The following CYSTM1 variants were observed in gnomAD, a reference collection of about 807,000 sequenced individuals.
The protein encoded by CYSTM1 is cysteine rich transmembrane module containing 1.
CYSTM1 carries 4 observed loss-of-function variants against 13.1 expected under a neutral mutation model. The observed-to-expected ratio is 0.31, with a 90% confidence interval of 0.15 to 0.70. The LOEUF (loss-of-function observed/expected upper bound fraction) is 0.70, where lower values mean the gene tolerates loss of function less well. Among genes scored for constraint, CYSTM1 ranks in the 30% least tolerant of loss-of-function variants. CYSTM1 has a pLI of 0.72. For missense variants in CYSTM1, 96 were observed against 121.6 expected (o/e 0.79, Z 0.99); for synonymous variants, 36 against 42.7 (o/e 0.84, Z 0.62).
In CYSTM1 at chr5:140,230,393, C is replaced by T. The variant is rs1216185312; in HGVS notation, c.188-12912C>T. On this transcript the variant is annotated intron_variant, in intron 2 of 2. Coordinates refer to ENST00000261811, the MANE Select transcript of CYSTM1 (RefSeq NM_032412.4). This position sits in a 1 kb window ranked among gnomAD's most constrained non-coding sequence, Gnocchi z 4.1. ...AGACAGGATTCCAGCTCAAATCTGTCTCCCTGTCCTGGCTTTAAGGCAGTA... is the reference window on the plus strand; with the variant it reads ...AGACAGGATTCCAGCTCAAATCTGTTTCCCTGTCCTGGCTTTAAGGCAGTA... Among the ~76,000 whole-genome samples, 2 of 152,170 alleles carry T rather than the reference C, an allele frequency of 1.3e-5. No individual in the cohort carries two copies. The highest frequency in any genetic ancestry group is 1.9e-4 in the East Asian group (1 of 5,196).
intron 2 of CYSTM1, among the ~76,000 whole-genome samples, chr5:140,221,020 C>T (rs1764482598): frequency 6.6e-6 from 1 of 152,106 alleles, no homozygotes; most frequent in Admixed American, 6.5e-5. Flanking sequence ...CTGGAATTCT[C>T]ATGTATAAAC....
chr5:140,232,582 GTGTCTACAC>G (rs1390855094), intron 2 of CYSTM1, among the ~76,000 whole-genome samples: 2 of 152,196 alleles, frequency 1.3e-5, no homozygotes, highest in African/African-American at 4.8e-5. Flanking sequence ...GAACGCAAAA[GTGTCTACAC>G]TGTTTTCACT....
intron 2 of CYSTM1, among the ~76,000 whole-genome samples, chr5:140,240,277 G>A (rs1299010799): frequency 1.3e-5 from 2 of 151,890 alleles, no homozygotes; most frequent in Non-Finnish European, 1.5e-5. Context: ...AAGAGTTGCC[G>A]AGATGGTAGT....
intron 2 of CYSTM1, among the ~76,000 whole-genome samples, chr5:140,224,521 T>C (rs1269314171): frequency 6.6e-6 from 1 of 152,152 alleles, no homozygotes; most frequent in Non-Finnish European, 1.5e-5. Context: ...CATTGTTTCT[T>C]TTTTTCTTTT....
At chr5:140,233,987 A>G (rs560286795) in intron 2 of CYSTM1, among the ~76,000 whole-genome samples, 2 of 152,230 alleles carry the variant, frequency 1.3e-5, no homozygotes, top group Non-Finnish European at 1.5e-5. Context: ...CAGTTTATCA[A>G]TTTTTTATTT....
chr5:140,243,015 T>C (rs1764769461), intron 2 of CYSTM1, among the ~76,000 whole-genome samples: 1 of 152,146 alleles, frequency 6.6e-6, no homozygotes, highest in Admixed American at 6.5e-5. Flanking sequence ...ACAAACCAAG[T>C]AGGGTTGGCC....
intron 2 of CYSTM1, among the ~76,000 whole-genome samples, chr5:140,226,613 A>AT (rs61099181): frequency 0.073 from 6,172 of 84,742 alleles, 343 homozygotes; most frequent in East Asian, 0.099. Context: ...TATATATATA[A>AT]AAATTAGCCA....
At chr5:140,238,192 A>T (rs1764707046) in intron 2 of CYSTM1, among the ~76,000 whole-genome samples, 1 of 152,124 alleles carries the variant, frequency 6.6e-6, no homozygotes, top group Non-Finnish European at 1.5e-5. Flanking sequence ...GTAGGGCAGG[A>T]AGAGAGGCTC....
chr5:140,228,462 T>G (rs746255539), intron 2 of CYSTM1, among the ~76,000 whole-genome samples: 3 of 152,208 alleles, frequency 2.0e-5, no homozygotes, highest in Non-Finnish European at 4.4e-5. Context: ...ACAAATAAAG[T>G]ACTGGGTTGG....
intron 2 of CYSTM1, among the ~76,000 whole-genome samples, chr5:140,223,217 CAAAGGA>C (rs1267853986): frequency 5.3e-5 from 8 of 152,096 alleles, no homozygotes; most frequent in African/African-American, 9.7e-5. Context: ...TGAGATGTTG[CAAAGGA>C]GAAGGAGGAG....
chr5:140,237,604 T>G (rs1238504469), intron 2 of CYSTM1, among the ~76,000 whole-genome samples: 1 of 152,258 alleles, frequency 6.6e-6, no homozygotes, highest in Non-Finnish European at 1.5e-5. Flanking sequence ...CAGTCAACCC[T>G]GTCCTGGTAG....
chr5:140,241,668 T>C (rs990268236), intron 2 of CYSTM1, among the ~76,000 whole-genome samples: 2 of 152,144 alleles, frequency 1.3e-5, no homozygotes, highest in African/African-American at 4.8e-5. Context: ...GGTTTCCCTG[T>C]CCAGAGCTGC....
chr5:140,181,746 G>A (rs1763964473), intron 1 of CYSTM1, among the ~76,000 whole-genome samples: 2 of 152,202 alleles, frequency 1.3e-5, no homozygotes, highest in Admixed American at 1.3e-4. Flanking sequence ...ATGAGCCACT[G>A]CACCTGCAAG....
chr5:140,180,301 T>C (rs1244387216), intron 1 of CYSTM1, among the ~76,000 whole-genome samples: 1 of 152,222 alleles, frequency 6.6e-6, no homozygotes, highest in Non-Finnish European at 1.5e-5. Context: ...CGTACTGAAC[T>C]ACAACATCCA....
At chr5:140,203,091 G>A (rs892818684) in intron 2 of CYSTM1, 2 of 152,184 alleles carry the variant, frequency 1.3e-5, no homozygotes, top group Admixed American at 1.3e-4. Context: ...CAGCATGAGA[G>A]TTTCAGAGTA....
intron 2 of CYSTM1, among the ~76,000 whole-genome samples, chr5:140,240,745 G>A (rs986754602): frequency 6.6e-6 from 1 of 152,068 alleles, no homozygotes; most frequent in Non-Finnish European, 1.5e-5. Flanking sequence ...GGGCCCCACC[G>A]CAGGTGCTCT....
At position 140,175,636 on chromosome 5, in the gene CYSTM1, C is replaced by A. The variant is rs1763873027; in HGVS notation, c.-21+351C>A. Among the ~76,000 whole-genome samples the A allele has an allele frequency of 6.6e-6, 1 of 152,238 alleles. No individual in the cohort carries two copies. Among genetic ancestry groups the A allele is most frequent in the African/African-American group, 2.4e-5 (1 of 41,474 alleles). On this transcript the variant is annotated intron_variant, in intron 1 of 2. Transcript: ENST00000261811. The surrounding 1 kb of genome is among the most constrained non-coding windows in gnomAD (Gnocchi z 4.9). ...CGCCACACCCCGTCCCGGGGGACGT[C>A]CGCGGGAGGCTTCTGGATTTCTTCG...
chr5:140,176,699 C>T (rs1038535745), intron 1 of CYSTM1, among the ~76,000 whole-genome samples: 9 of 152,146 alleles, frequency 5.9e-5, no homozygotes, highest in Admixed American at 5.2e-4. Context: ...TAAAGGAGAA[C>T]CAGCATCCAA....
chr5:140,241,209 G>A (rs1297102891), intron 2 of CYSTM1, among the ~76,000 whole-genome samples: 1 of 152,250 alleles, frequency 6.6e-6, no homozygotes, highest in Non-Finnish European at 1.5e-5. Context: ...AGACTAGGAC[G>A]TTTTTGTTTC....
Sources: allele counts gnomAD v4.1 joint callset (sites outside exome capture counted in the v4.1 genomes callset), GRCh38; gene constraint gnomAD v4.1.1; non-coding constraint Gnocchi (gnomAD v3.1); transcripts MANE v1.5; gene names NCBI Gene and HGNC (gene_info 2026-07-23, HGNC 2026-07-21).